ARHGAP10: variants seen among roughly 807,000 people sequenced by gnomAD.
ARHGAP10 encodes rho GTPase-activating protein 10.
ARHGAP10 carries 87 observed loss-of-function variants against 108.6 expected under a neutral mutation model. The observed-to-expected ratio is 0.80, with a 90% CI of 0.67 to 0.96. ARHGAP10 has a LOEUF of 0.96. ARHGAP10 is among the 40% of genes least tolerant of loss of function. The pLI, the probability that ARHGAP10 is intolerant of heterozygous loss-of-function variation, is 0.00. For synonymous variants in ARHGAP10, 347 were observed against 341.1 expected, an observed-to-expected ratio of 1.02 and a Z score of -0.19; for missense variants, 939 against 954.5, an observed-to-expected ratio of 0.98 and a Z score of 0.21.
chr4:147,782,791 C>T (rs1462451779), intron 1 of ARHGAP10: 1 of 149,730 alleles, frequency 6.7e-6, no homozygotes, highest in Admixed American at 6.7e-5. Flanking sequence ...AGTTTGACAG[C>T]ATTCCTGAGT....
chr4:147,955,632 A>G (rs1473997001), intron 16 of ARHGAP10, among the ~76,000 whole-genome samples: 1 of 152,116 alleles, frequency 6.6e-6, no homozygotes, highest in Non-Finnish European at 1.5e-5. Context: ...TTCTTGTCCC[A>G]TGAGACAATT....
chr4:147,973,257 G>A (rs1739478405), intron 18 of ARHGAP10, among the ~76,000 whole-genome samples: 1 of 152,206 alleles, frequency 6.6e-6, no homozygotes, highest in Admixed American at 6.5e-5. Context: ...GTTTTACATG[G>A]CTCACTGGTC....
At position 147,966,841 on chromosome 4, in the gene ARHGAP10, T is replaced by TA. The variant is rs1739222287; in HGVS notation, c.1716+6dup. ...ATCTTAATTGAAAACCATGAAAAGG[T>TA]AAAATTTTTTTTTTCTTTAAGAGAC... On this transcript the variant is annotated splice_region_variant and intron_variant, in intron 18 of 22. Transcript: ENST00000336498. 10 of 1,565,244 alleles carry TA rather than the reference T, an allele frequency of 6.4e-6. No individual in the cohort carries two copies. Among genetic ancestry groups the TA allele is most frequent in the Non-Finnish European group, 8.7e-6 (10 of 1,149,130 alleles).
intron 3 of ARHGAP10, among the ~76,000 whole-genome samples, chr4:147,846,789 T>A (rs1383383698): frequency 6.6e-6 from 1 of 152,226 alleles, no homozygotes; most frequent in Non-Finnish European, 1.5e-5. Flanking sequence ...AATTGAATTT[T>A]AAATTTCTAA....
At chr4:147,888,723 C>T (rs1328726485) in intron 10 of ARHGAP10, among the ~76,000 whole-genome samples, 1 of 152,202 alleles carries the variant, frequency 6.6e-6, no homozygotes, top group Non-Finnish European at 1.5e-5. Flanking sequence ...TTTGCTGTTA[C>T]CAGTAGATAC....
chr4:147,804,461 A>G (rs774771466), intron 1 of ARHGAP10, among the ~76,000 whole-genome samples: 1 of 152,226 alleles, frequency 6.6e-6, no homozygotes, highest in Non-Finnish European at 1.5e-5. Context: ...TGCGATGAAC[A>G]TAAATGTATG....
intron 3 of ARHGAP10, among the ~76,000 whole-genome samples, chr4:147,825,643 A>T (rs1046265478): frequency 1.3e-5 from 2 of 152,152 alleles, no homozygotes; most frequent in Non-Finnish European, 2.9e-5. Flanking sequence ...GTAGTCATCA[A>T]TTTTTCAGCT....
intron 16 of ARHGAP10, among the ~76,000 whole-genome samples, chr4:147,958,746 A>G (rs1012201009): frequency 6.6e-6 from 1 of 152,200 alleles, no homozygotes; most frequent in Admixed American, 6.5e-5. Context: ...ATGCCTTTCT[A>G]AAATTACAGT....
intron 8 of ARHGAP10, among the ~76,000 whole-genome samples, chr4:147,875,668 G>C (rs1735028392): frequency 6.6e-6 from 1 of 152,138 alleles, no homozygotes; most frequent in East Asian, 1.9e-4. Flanking sequence ...GTTCCCACCA[G>C]TCTGAGATAG....
At chr4:147,895,367 A>G (rs1357109816) in intron 10 of ARHGAP10, among the ~76,000 whole-genome samples, 1 of 151,960 alleles carries the variant, frequency 6.6e-6, no homozygotes, top group Non-Finnish European at 1.5e-5. Context: ...CAGTGATTTT[A>G]TATGTGACAA....
intron 13 of ARHGAP10, among the ~76,000 whole-genome samples, chr4:147,919,294 G>C (rs150796547): frequency 4.6e-5 from 7 of 152,152 alleles, no homozygotes; most frequent in African/African-American, 9.6e-5. Flanking sequence ...AATTATTCTA[G>C]TTTTGAGATA....
At chr4:147,822,677 G>C (rs1732553800) in intron 1 of ARHGAP10, 50 bp from the exon 2 acceptor site, 1 of 1,540,028 alleles carries the variant, frequency 6.5e-7, no homozygotes, top group South Asian at 1.1e-5. Flanking sequence ...TTTCTTTTAT[G>C]CTTTGACATA....
intron 1 of ARHGAP10, among the ~76,000 whole-genome samples, chr4:147,791,829 C>T (rs1435250379): frequency 3.9e-5 from 6 of 152,084 alleles, no homozygotes; most frequent in African/African-American, 1.4e-4. Flanking sequence ...AGGTGATCCA[C>T]CTGCCTTGGC....
chr4:148,021,727 T>C (rs1412410936), intron 18 of ARHGAP10, among the ~76,000 whole-genome samples: 1 of 152,190 alleles, frequency 6.6e-6, no homozygotes, highest in Non-Finnish European at 1.5e-5. Context: ...CTGTGGATAA[T>C]AGTCCAGGCA....
At chr4:147,863,733 C>T (rs1734423595) in intron 5 of ARHGAP10, 2 of 152,130 alleles carry the variant, frequency 1.3e-5, no homozygotes, top group South Asian at 2.1e-4. Context: ...AATGAAGCCA[C>T]AAAAATATGA....
At chr4:148,036,178 G>A (rs961186715) in intron 19 of ARHGAP10, among the ~76,000 whole-genome samples, 4 of 151,128 alleles carry the variant, frequency 2.6e-5, no homozygotes, top group African/African-American at 9.7e-5. Context: ...TTTTATAGAG[G>A]ATGAGAATAA....
chr4:148,067,289 C>CTG (rs936465966), intron 22 of ARHGAP10, among the ~76,000 whole-genome samples: 2 of 152,210 alleles, frequency 1.3e-5, no homozygotes, highest in South Asian at 2.1e-4. Flanking sequence ...CAGGGTTTAT[C>CTG]TGTGTGTGTG....
In ARHGAP10 at chr4:147,965,136, C is replaced by A; in HGVS notation, c.1556+7C>A. ...TGGTGAAACACTTAACAAAGTAAGC[C>A]TCTTTTTCTTCGTTTTAACTTTCTT... is the stretch of plus-strand genomic sequence containing the variant. On this transcript the variant is annotated splice_region_variant and intron_variant, in intron 17 of 22. Transcript: ENST00000336498. 6.3e-7 allele frequency: 1 copy of A among 1,588,586 alleles called. No individual in the cohort carries two copies. Among genetic ancestry groups the A allele is most frequent in the Non-Finnish European group, 8.6e-7 (1 of 1,165,252 alleles).
intron 1 of ARHGAP10, among the ~76,000 whole-genome samples, chr4:147,799,271 C>T (rs903700160): frequency 6.6e-6 from 1 of 152,132 alleles, no homozygotes; most frequent in Admixed American, 6.5e-5. Flanking sequence ...AACTCCTGAC[C>T]TCAAGTGATC....
Sources: gnomAD v4.1 joint callset for allele counts (sites outside exome capture counted in the v4.1 genomes callset) on GRCh38, gnomAD v4.1.1 for gene constraint, MANE v1.5 for transcripts, NCBI Gene and HGNC (gene_info 2026-07-23, HGNC 2026-07-21) for gene names.